FMO3: variants seen among roughly 807,000 people sequenced by gnomAD.
FMO3 encodes flavin containing dimethylaniline monoxygenase 3.
FMO3 carries 40 observed loss-of-function variants against 39.4 expected under a neutral mutation model. The observed-to-expected ratio is 1.02, with a 90% CI of 0.79 to 1.32. FMO3 has a LOEUF of 1.32. Ranked by LOEUF, FMO3 falls within the 40% of genes most tolerant of loss-of-function variation. The pLI, the probability that FMO3 is intolerant of heterozygous loss-of-function variation, is 0.00. For missense variants in FMO3, 680 were observed against 651.8 expected, an observed-to-expected ratio of 1.04 and a Z score of -0.47; for synonymous variants, 219 against 228.8, an observed-to-expected ratio of 0.96 and a Z score of 0.39.
At chr1:171,098,529 G>T (rs1315534084) in intron 2 of FMO3, among the ~76,000 whole-genome samples, 3 of 152,042 alleles carry the variant, frequency 2.0e-5, no homozygotes, top group African/African-American at 7.2e-5. Context: ...TGGATTCCTA[G>T]GTATTTTATT....
At chr1:171,111,395 AC>A (rs1194135947) in intron 6 of FMO3, among the ~76,000 whole-genome samples, 1 of 152,164 alleles carries the variant, frequency 6.6e-6, no homozygotes, top group Non-Finnish European at 1.5e-5. Context: ...GTAGTTAATA[AC>A]TTTACTAAGG....
chr1:171,110,410 A>G lies in FMO3; in HGVS notation c.628-388A>G, dbSNP rs28363563. Among the ~76,000 whole-genome samples, 1,056 of 152,282 alleles carry G rather than the reference A, an allele frequency of 6.9e-3. 18 individuals carry two copies. The highest frequency in any genetic ancestry group is 0.064 in the East Asian group (330 of 5,180). ...GCACTGTGACAGGGTGGCTGACCCT[A>G]AGATGTAGATGTAAAGTTCAGACGT... On this transcript the variant is annotated intron_variant, in intron 5 of 8. Transcript: ENST00000367755.
chr1:171,094,449 C>T (rs28745585), intron 2 of FMO3, among the ~76,000 whole-genome samples: 21,769 of 151,968 alleles, frequency 0.14, 1,968 homozygotes, highest in Non-Finnish European at 0.2. Context: ...TCTCTTTATG[C>T]GAAAAAGATT....
chr1:171,104,326 A>T (rs116739769), intron 3 of FMO3, among the ~76,000 whole-genome samples: 258 of 152,276 alleles, frequency 1.7e-3, no homozygotes, highest in Non-Finnish European at 2.1e-3. Flanking sequence ...TCTATAACTG[A>T]ATGTTAATTT....
chr1:171,108,172 G>A lies in FMO3; in HGVS notation c.578G>A (p.Gly193Glu), dbSNP rs116425430. Residue 193 changes from glycine to glutamate, a missense_variant, in exon 5 of 9, where the codon GGG becomes GAG. Transcript: ENST00000367755. ...NGKRVLVVGL[G>E]NSGCDIATEL... ...AAGCGTGTCCTGGTGGTTGGCCTGGGGAATTCGGGCTGTGATATTGCCACA... is the reference window on the plus strand; with the variant it reads ...AAGCGTGTCCTGGTGGTTGGCCTGGAGAATTCGGGCTGTGATATTGCCACA... 1.3e-5 allele frequency: 21 copies of A among 1,613,874 alleles called. No individual in the cohort carries two copies. The highest frequency in any genetic ancestry group is 1.6e-5 in the Non-Finnish European group (19 of 1,179,906).
At chr1:171,114,412 A>G (rs1656056395) in intron 7 of FMO3, 50 bp downstream of exon 7, 2 of 1,302,848 alleles carry the variant, frequency 1.5e-6, no homozygotes, top group East Asian at 2.4e-5. Flanking sequence ...GCCAGTGACA[A>G]TAACTTTGGA....
Position 171,103,869 on chromosome 1 carries a change from C to A in FMO3, c.217C>A (p.Pro73Thr). Residue 73 changes from proline to threonine, a missense_variant, in exon 3 of 9, where the codon CCA becomes ACA. Coordinates refer to ENST00000367755, the MANE Select transcript of FMO3 (RefSeq NM_001002294.3). Reference protein sequence around the residue: ...SKEMMCFPDFPFPDDFPNFMH... With the variant: ...SKEMMCFPDFTFPDDFPNFMH... ...AGAGATGATGTGTTTCCCAGACTTCCCATTTCCCGATGACTTCCCCAACTT... is the reference window on the plus strand; with the variant it reads ...AGAGATGATGTGTTTCCCAGACTTCACATTTCCCGATGACTTCCCCAACTT... 6.2e-7 allele frequency: 1 copy of A among 1,613,744 alleles called. No individual in the cohort carries two copies. Among genetic ancestry groups the A allele is most frequent in the Non-Finnish European group, 8.5e-7 (1 of 1,179,720 alleles).
intron 2 of FMO3, among the ~76,000 whole-genome samples, chr1:171,096,123 TA>T (rs1655020519): frequency 2.6e-5 from 2 of 77,326 alleles, no homozygotes; most frequent in East Asian, 3.6e-4. Flanking sequence ...TATATATTAA[TA>T]ATATAGTAAT....
At chr1:171,099,635 A>T (rs988320543) in intron 2 of FMO3, among the ~76,000 whole-genome samples, 6 of 152,070 alleles carry the variant, frequency 3.9e-5, no homozygotes, top group African/African-American at 1.4e-4. Context: ...AAAATCATAC[A>T]GCTGATAATG....
chr1:171,114,780 C>T (rs1334449051), intron 7 of FMO3, among the ~76,000 whole-genome samples: 3 of 152,308 alleles, frequency 2.0e-5, no homozygotes, highest in Middle Eastern at 6.8e-3. Context: ...CAAATATCCA[C>T]AGTCATGGAA....
chr1:171,092,778 G>A lies in FMO3; in HGVS notation c.120G>A (p.Leu40=), dbSNP rs763826767. 5.0e-6 allele frequency: 8 copies of A among 1,613,850 alleles called. No homozygotes were observed. The South Asian group carries it at 6.6e-5, about 13-fold the overall frequency. The change falls in exon 2 of 9, where the codon CTG becomes CTA. Residue 40 remains leucine (L), a synonymous_variant. Transcript: ENST00000367755. ...CFEKSNDIGG[L]WKFSDHAEEG... is the part of the protein sequence containing the mutation. ...AGAAGAGCAATGACATTGGGGGCCT[G>A]TGGAAATTTTCAGTGAGTAGCATGT...
chr1:171,102,979 T>C (rs141669273), intron 2 of FMO3, among the ~76,000 whole-genome samples: 138 of 152,342 alleles, frequency 9.1e-4, no homozygotes, highest in African/African-American at 3.2e-3. Context: ...TTATACATTA[T>C]AGAAATTCTA....
chr1:171,096,016 T>TATATCAATATATAA (rs1431040753), intron 2 of FMO3, among the ~76,000 whole-genome samples: 1 of 47,534 alleles, frequency 2.1e-5, no homozygotes, highest in Non-Finnish European at 3.6e-5. Flanking sequence ...AATATACATA[T>TATATCAATATATAA]TATATATTAA....
At chr1:171,100,182 T>G (rs1655313287) in intron 2 of FMO3, 1 of 152,198 alleles carries the variant, frequency 6.6e-6, no homozygotes, top group African/African-American at 2.4e-5. Context: ...GATATGGCTA[T>G]TGAGAGGAAC....
At chr1:171,115,886 A>G (rs1656123499) in intron 7 of FMO3, among the ~76,000 whole-genome samples, 2 of 152,230 alleles carry the variant, frequency 1.3e-5, no homozygotes, top group African/African-American at 4.8e-5. Flanking sequence ...TTCTTCATAA[A>G]TCTTGGAAAA....
At chr1:171,102,295 C>G (rs1425012287) in intron 2 of FMO3, among the ~76,000 whole-genome samples, 1 of 152,180 alleles carries the variant, frequency 6.6e-6, no homozygotes, top group African/African-American at 2.4e-5. Flanking sequence ...GTGCTCAGTA[C>G]TTTCCACTAT....
rs1454781185 is a variant in FMO3, at chr1:171,092,762, A to G, written c.104A>G (p.Asn35Ser). Residue 35 changes from asparagine (N) to serine (S), a missense_variant, in exon 2 of 9, where the codon AAT becomes AGT. Physicochemically the swap from Asn to Ser is conservative, Grantham distance 46. Coordinates refer to ENST00000367755, the MANE Select transcript of FMO3 (RefSeq NM_001002294.3). The stretch of plus-strand genomic sequence containing the variant: ...GAGCCCACCTGCTTTGAGAAGAGCA[A>G]TGACATTGGGGGCCTGTGGAAATTT... ...GLEPTCFEKSNDIGGLWKFSD... is the reference protein window; with the variant it reads ...GLEPTCFEKSSDIGGLWKFSD... The G allele has an allele frequency of 1.2e-6, 2 of 1,613,906 alleles. No homozygotes were observed. Among genetic ancestry groups the G allele is most frequent in the Non-Finnish European group, 8.5e-7 (1 of 1,179,994 alleles).
At chr1:171,096,787 A>AATATAC (rs1326128295) in intron 2 of FMO3, among the ~76,000 whole-genome samples, 2 of 143,070 alleles carry the variant, frequency 1.4e-5, no homozygotes, top group Non-Finnish European at 3.0e-5. Flanking sequence ...TTATATTAAA[A>AATATAC]ATATATATAT....
intron 6 of FMO3, among the ~76,000 whole-genome samples, chr1:171,111,930 G>C (rs1255682225): frequency 2.6e-5 from 4 of 152,116 alleles, no homozygotes; most frequent in African/African-American, 9.7e-5. Context: ...AGAAAACAAA[G>C]CAGATAAAGG....
Sources: gnomAD v4.1 joint callset for allele counts (sites outside exome capture counted in the v4.1 genomes callset) on GRCh38, gnomAD v4.1.1 for gene constraint, MANE v1.5 for transcripts, NCBI Gene and HGNC (gene_info 2026-07-23, HGNC 2026-07-21) for gene names.